Variants in METTL8 observed in about 807,000 individuals in gnomAD.
METTL8 encodes methyltransferase 8, tRNA N3-cytidine, also known as tRNA N(3)-cytidine methyltransferase METTL8, mitochondrial.
Under a neutral mutation model 48.7 loss-of-function variants are expected in METTL8, and 32 were observed. That is an observed-to-expected ratio of 0.66 (90% CI 0.50 to 0.88). The LOEUF (loss-of-function observed/expected upper bound fraction) is 0.88, where lower values mean the gene tolerates loss of function less well. Ranked by LOEUF, METTL8 falls within the 40% of genes least tolerant of loss-of-function variation. The pLI, the probability that METTL8 is intolerant of heterozygous loss-of-function variation, is 0.00. For synonymous variants in METTL8, 136 were observed against 157.1 expected (o/e 0.87, Z 1.01); for missense variants, 464 against 474.4 (o/e 0.98, Z 0.20).
intron 1 of METTL8, among the ~76,000 whole-genome samples, chr2:171,395,088 AGTAGG>A (rs1688931900): frequency 6.6e-6 from 1 of 152,240 alleles, no homozygotes; most frequent in Non-Finnish European, 1.5e-5. Flanking sequence ...TGGTAGAAAA[AGTAGG>A]TTTCTGCCAC....
intron 3 of METTL8, among the ~76,000 whole-genome samples, chr2:171,359,492 A>G (rs962193696): frequency 6.6e-6 from 1 of 152,178 alleles, no homozygotes; most frequent in African/African-American, 2.4e-5. Flanking sequence ...CTACCATATC[A>G]TCCACCAATG....
Position 171,320,707 on chromosome 2 carries a change from T to C in METTL8, c.*3465A>G, listed in dbSNP as rs1189219169. 1 of 152,256 alleles carries C rather than the reference T, an allele frequency of 6.6e-6. No individual in the cohort carries two copies. 9.4% of individuals were successfully genotyped at this position (152,256 alleles called of 1,614,324 possible). A position where few individuals can be genotyped will look rare whatever the true frequency, so the allele number is the denominator to read the frequency against. ...GTTAAGAGTCTTGGGCAAATTTTAA[T>C]GTTTATATTTACTGACTTATGCATG... On this transcript the variant is annotated 3_prime_UTR_variant, in exon 10 of 10. Transcript: ENST00000375258.
At chr2:171,351,936 C>T (rs975802897) in intron 3 of METTL8, among the ~76,000 whole-genome samples, 1 of 152,124 alleles carries the variant, frequency 6.6e-6, no homozygotes, top group African/African-American at 2.4e-5. Context: ...TTCTCTTTTC[C>T]TAATTGAATT....
chr2:171,371,994 A>G (rs1425412619), intron 2 of METTL8, among the ~76,000 whole-genome samples: 1 of 152,084 alleles, frequency 6.6e-6, no homozygotes, highest in Non-Finnish European at 1.5e-5. Context: ...CACCAGCCTG[A>G]GTTTCTTACT....
upstream of METTL8, chr2:171,434,184 A>C: frequency 2.6e-6 from 1 of 381,798 alleles, no homozygotes; most frequent in East Asian, 7.9e-5. Flanking sequence ...GGGCCGGGCA[A>C]GCCCTCGCTC....
rs1254073291 is a variant in METTL8 at position 171,318,785 on chromosome 2, GCT to G, written c.*5385_*5386del. On this transcript the variant is annotated 3_prime_UTR_variant, in exon 10 of 10. Coordinates refer to ENST00000375258, the MANE Select transcript of METTL8 (RefSeq NM_001321154.2). ...TATCGTTTTCTGCTTGACTCAGAAA[GCT>G]CTTTCTTCCCTGGTGCCTTTCCCAG... The G allele has an allele frequency of 6.6e-6, 1 of 151,790 alleles. No homozygotes were observed. The highest frequency in any genetic ancestry group is 1.5e-5 in the Non-Finnish European group (1 of 68,024). 9.4% of individuals were successfully genotyped at this position (151,790 alleles called of 1,614,324 possible).
chr2:171,418,774 C>T (rs767650229), intron 1 of METTL8, among the ~76,000 whole-genome samples: 81 of 151,906 alleles, frequency 5.3e-4, no homozygotes, highest in Non-Finnish European at 1.0e-3. Context: ...GACAACATGG[C>T]GAAACCCCAT....
Position 171,325,833 on chromosome 2 carries a change from T to A in METTL8, c.1033+8A>T. Reference sequence around the variant, plus strand: ...TGACCAATTATTTCCTTTTGTAGATTAGCATACCTTTTGTAAAGAAATATG... The same window carrying A: ...TGACCAATTATTTCCTTTTGTAGATAAGCATACCTTTTGTAAAGAAATATG... On this transcript the variant is annotated splice_region_variant and intron_variant, in intron 9 of 9. Coordinates refer to ENST00000375258, the MANE Select transcript of METTL8 (RefSeq NM_001321154.2). 1 of 1,523,414 alleles carries A rather than the reference T, an allele frequency of 6.6e-7. No homozygotes were observed. Among genetic ancestry groups the A allele is most frequent in the African/African-American group, 1.4e-5 (1 of 72,796 alleles). The allele number at this position is 1,523,414 out of a possible 1,614,324, so 94.4% of individuals were successfully genotyped here. A position where few individuals can be genotyped will look rare whatever the true frequency, so the allele number is the denominator to read the frequency against.
chr2:171,434,466 C>T (rs1457682033), upstream of METTL8: 3 of 1,510,100 alleles, frequency 2.0e-6, no homozygotes, highest in African/African-American at 1.4e-5. Flanking sequence ...CCCTGGGCCC[C>T]GCCGGGAAAG....
chr2:171,334,595 T>A (rs1334602379), intron 5 of METTL8, among the ~76,000 whole-genome samples: 11 of 152,146 alleles, frequency 7.2e-5, no homozygotes, highest in Non-Finnish European at 1.5e-4. Flanking sequence ...CATAATTTCT[T>A]AAGCAGAAAA....
chr2:171,351,696 T>A (rs1188907493), intron 3 of METTL8, among the ~76,000 whole-genome samples: 1 of 152,234 alleles, frequency 6.6e-6, no homozygotes, highest in Non-Finnish European at 1.5e-5. Context: ...GTAATTTGGA[T>A]TCCTAGGTAT....
rs1248993516 is a variant in METTL8, at chr2:171,324,362, C to T, written c.1034G>A (p.Gly345Glu). The change falls in exon 10 of 10, where the codon GGG becomes GAG. Residue 345 changes from glycine to glutamate, a missense_variant and splice_region_variant. Coordinates refer to ENST00000375258, the MANE Select transcript of METTL8 (RefSeq NM_001321154.2). Reference sequence around the variant, plus strand: ...TTTGCAGAACATACTGTGGACTTCCCCTGTGAGACAAAAATGGCAATAAAA... The same window carrying T: ...TTTGCAGAACATACTGTGGACTTCCTCTGTGAGACAAAAATGGCAATAAAA... The part of the protein sequence containing the change: ...DGTRAYFFTK[G>E]EVHSMFCKAS... 3.9e-6 allele frequency: 6 copies of T among 1,550,444 alleles called. No individual in the cohort carries two copies. Among genetic ancestry groups the T allele is most frequent in the East Asian group, 4.9e-5 (2 of 40,890 alleles).
At chr2:171,390,035 G>A (rs1216711178) in intron 2 of METTL8, among the ~76,000 whole-genome samples, 1 of 152,220 alleles carries the variant, frequency 6.6e-6, no homozygotes, top group Non-Finnish European at 1.5e-5. Context: ...GGCTAAGGCA[G>A]TTGGTGACTT....
chr2:171,357,379 A>G (rs896608929), intron 3 of METTL8, among the ~76,000 whole-genome samples: 6 of 152,236 alleles, frequency 3.9e-5, no homozygotes, highest in African/African-American at 1.2e-4. Flanking sequence ...GCATTTAAAT[A>G]TGCCAACAGT....
chr2:171,333,174 C>T (rs1347471577), intron 5 of METTL8, among the ~76,000 whole-genome samples: 2 of 151,612 alleles, frequency 1.3e-5, no homozygotes, highest in Admixed American at 6.6e-5. Context: ...TCTCGGCTCA[C>T]TGCAGTCTCC....
At chr2:171,380,886 T>C (rs1328854580) in intron 2 of METTL8, among the ~76,000 whole-genome samples, 2 of 152,160 alleles carry the variant, frequency 1.3e-5, no homozygotes, top group African/African-American at 2.4e-5. Context: ...TTCACAGAAT[T>C]AGAAAAAACT....
At chr2:171,399,593 T>G (rs1255079738) in intron 1 of METTL8, among the ~76,000 whole-genome samples, 1 of 152,178 alleles carries the variant, frequency 6.6e-6, no homozygotes, top group Non-Finnish European at 1.5e-5. Flanking sequence ...CTACAAATTT[T>G]GGCTAGATGC....
chr2:171,418,998 C>T (rs151050960), intron 1 of METTL8, among the ~76,000 whole-genome samples: 133 of 150,254 alleles, frequency 8.9e-4, no homozygotes, highest in African/African-American at 3.0e-3. Flanking sequence ...AGTCACGCAG[C>T]GTGACAGAGT....
Position 171,317,221 on chromosome 2 carries a change from A to G in METTL8, c.*6951T>C, listed in dbSNP as rs143120390. Among the ~76,000 whole-genome samples, 157 of 152,318 alleles carry G rather than the reference A, an allele frequency of 1.0e-3. 1 individual carries two copies. Among genetic ancestry groups the G allele is most frequent in the Non-Finnish European group, 1.9e-3 (131 of 68,012 alleles). Reference sequence around the variant, plus strand: ...GGTGACTGTCCTCCAGTGTTTTTTGAAACAACCAACACTTGATATATAAAG... The same window carrying G: ...GGTGACTGTCCTCCAGTGTTTTTTGGAACAACCAACACTTGATATATAAAG... On this transcript the variant is annotated 3_prime_UTR_variant, in exon 10 of 10. Transcript: ENST00000375258.
Sources: allele counts gnomAD v4.1 joint callset (sites outside exome capture counted in the v4.1 genomes callset), GRCh38; gene constraint gnomAD v4.1.1; transcripts MANE v1.5; gene names NCBI Gene and HGNC (gene_info 2026-07-23, HGNC 2026-07-21).